The following SH3RF3 variants were observed in gnomAD, a reference collection of about 807,000 sequenced individuals.
SH3RF3 encodes the protein SH3 domain containing ring finger 3.
In SH3RF3, 29 loss-of-function variants were observed where a neutral mutation model predicts 66.3. The ratio of observed to expected loss-of-function variants is 0.44; its 90% CI spans 0.33 to 0.60. The LOEUF (loss-of-function observed/expected upper bound fraction) is 0.60. Among genes scored for constraint, SH3RF3 ranks in the 20% least tolerant of loss-of-function variants. SH3RF3 has a pLI of 0.04. For synonymous variants in SH3RF3, 583 were observed against 532.0 expected, an observed-to-expected ratio of 1.10 and a Z score of -1.32; for missense variants, 1,194 against 1,190.9, an observed-to-expected ratio of 1.00 and a Z score of -0.04.
chr2:109,382,893 C>T (rs1675733881), intron 3 of SH3RF3, among the ~76,000 whole-genome samples: 1 of 152,214 alleles, frequency 6.6e-6, no homozygotes, highest in African/African-American at 2.4e-5. Flanking sequence ...CTTCTCCTCC[C>T]ACCATCTCAT....
At chr2:109,492,296 T>C (rs1679149638) in intron 9 of SH3RF3, among the ~76,000 whole-genome samples, 1 of 152,204 alleles carries the variant, frequency 6.6e-6, no homozygotes. Context: ...AGGCGCAGTT[T>C]GCCAGCCCTG....
intron 1 of SH3RF3, among the ~76,000 whole-genome samples, chr2:109,305,658 A>AT (rs1574562528): frequency 6.6e-6 from 1 of 152,208 alleles, no homozygotes; most frequent in African/African-American, 2.4e-5. Flanking sequence ...TGCACTCAGC[A>AT]TTCGCTCAGT....
intron 8 of SH3RF3, among the ~76,000 whole-genome samples, chr2:109,486,863 C>T (rs547714218): frequency 6.6e-6 from 1 of 152,234 alleles, no homozygotes; most frequent in Non-Finnish European, 1.5e-5. Context: ...CTCGGCAGAT[C>T]TGTCTCCCGC....
rs1484576057 is a variant in SH3RF3, at chr2:109,394,753, AC to A, written c.946-3835del. On this transcript the variant is annotated intron_variant, in intron 3 of 9. Coordinates refer to ENST00000309415, the MANE Select transcript of SH3RF3 (RefSeq NM_001099289.3). ...TGGAGTCCTTTCCTTTCCAGATGGC[AC>A]CTTGGTGGGAAGGGCTGCACCCTCA... 6.6e-5 allele frequency among the ~76,000 whole-genome samples: 10 copies of A among 152,244 alleles called. No homozygotes were observed. The East Asian group carries it at 1.9e-3, about 29-fold the overall frequency.
intron 1 of SH3RF3, among the ~76,000 whole-genome samples, chr2:109,253,410 T>C (rs552684494): frequency 2.4e-4 from 37 of 152,310 alleles, no homozygotes; most frequent in African/African-American, 8.7e-4. Flanking sequence ...ATAGGCTGTG[T>C]CCATGTGGTT....
chr2:109,497,712 A>T (rs1414747765), intron 9 of SH3RF3, among the ~76,000 whole-genome samples: 1 of 152,210 alleles, frequency 6.6e-6, no homozygotes, highest in Non-Finnish European at 1.5e-5. Flanking sequence ...AGAAACGTTA[A>T]ACACTTGTCT....
At chr2:109,217,402 C>T (rs1679124334) in intron 1 of SH3RF3, among the ~76,000 whole-genome samples, 1 of 152,238 alleles carries the variant, frequency 6.6e-6, no homozygotes, top group Admixed American at 6.5e-5. Context: ...GAACATCACC[C>T]TGATCTTGAC....
chr2:109,503,483 G>A lies in SH3RF3; in HGVS notation c.*1812G>A, dbSNP rs766897369. The A allele has an allele frequency of 6.6e-6, 1 of 152,138 alleles. No individual in the cohort carries two copies. Among genetic ancestry groups the A allele is most frequent in the Non-Finnish European group, 1.5e-5 (1 of 68,030 alleles). 9.4% of individuals were successfully genotyped at this position (152,138 alleles called of 1,614,324 possible). On this transcript the variant is annotated 3_prime_UTR_variant, in exon 10 of 10. Coordinates refer to ENST00000309415, the MANE Select transcript of SH3RF3 (RefSeq NM_001099289.3). ...TAATAGATTTAATAGACTCAAAGAA[G>A]TTGTTCAGAATCAAAGAAGAAAAAG...
At chr2:109,359,352 C>G (rs1381301866) in intron 2 of SH3RF3, among the ~76,000 whole-genome samples, 1 of 152,206 alleles carries the variant, frequency 6.6e-6, no homozygotes, top group African/African-American at 2.4e-5. Flanking sequence ...ATCTATACAA[C>G]AAGTTGAAAA....
intron 1 of SH3RF3, among the ~76,000 whole-genome samples, chr2:109,300,336 T>C (rs907737445): frequency 3.3e-5 from 5 of 152,104 alleles, no homozygotes; most frequent in African/African-American, 1.2e-4. Flanking sequence ...CACGCCACCA[T>C]GTCTGGCTAA....
chr2:109,475,982 CTCT>C, intron 8 of SH3RF3, among the ~76,000 whole-genome samples: 1 of 152,362 alleles, frequency 6.6e-6, no homozygotes, highest in African/African-American at 2.4e-5. Flanking sequence ...TTGGAGCTGA[CTCT>C]TCTTGCTCAG....
intron 4 of SH3RF3, among the ~76,000 whole-genome samples, chr2:109,417,060 TG>T (rs1676745513): frequency 6.6e-6 from 1 of 152,196 alleles, no homozygotes; most frequent in African/African-American, 2.4e-5. Flanking sequence ...CTGTTGTCCC[TG>T]TGTTGGAATT....
chr2:109,480,630 G>A (rs1004249240), intron 8 of SH3RF3, among the ~76,000 whole-genome samples: 4 of 152,080 alleles, frequency 2.6e-5, no homozygotes, highest in Non-Finnish European at 4.4e-5. Context: ...CCCTGTGGGA[G>A]GAGGAGGAGG....
intron 1 of SH3RF3, among the ~76,000 whole-genome samples, chr2:109,285,364 GCCTTT>G (rs1681008625): frequency 6.6e-6 from 1 of 152,234 alleles, no homozygotes; most frequent in African/African-American, 2.4e-5. Context: ...TCATTAGCAT[GCCTTT>G]CCACGGCCAA....
chr2:109,324,003 T>C (rs1176388809), intron 1 of SH3RF3, among the ~76,000 whole-genome samples: 1 of 152,232 alleles, frequency 6.6e-6, no homozygotes, highest in Non-Finnish European at 1.5e-5. Context: ...AACACTAATG[T>C]AATTTCTGTC....
At chr2:109,471,674 C>T (rs1049664468) in intron 8 of SH3RF3, among the ~76,000 whole-genome samples, 1 of 152,202 alleles carries the variant, frequency 6.6e-6, no homozygotes, top group East Asian at 1.9e-4. Flanking sequence ...AGGACACATG[C>T]TGGGGCGGGG....
intron 4 of SH3RF3, among the ~76,000 whole-genome samples, chr2:109,399,214 C>A (rs562066049): frequency 6.6e-6 from 1 of 152,300 alleles, no homozygotes; most frequent in South Asian, 2.1e-4. Flanking sequence ...TAACACCCAC[C>A]CGCCTCATGA....
chr2:109,483,953 T>A (rs116547832), intron 8 of SH3RF3, among the ~76,000 whole-genome samples: 3,557 of 151,972 alleles, frequency 0.023, 154 homozygotes, highest in African/African-American at 0.081. Context: ...ACCCCCGCCA[T>A]CCCTGTGCCT....
rs1405059601 is a variant in SH3RF3 at position 109,398,725 on chromosome 2, G to A, written c.1081G>A (p.Gly361Arg). 1.9e-6 allele frequency: 3 copies of A among 1,613,210 alleles called. No individual in the cohort carries two copies. Among genetic ancestry groups the A allele is most frequent in the African/African-American group, 1.3e-5 (1 of 75,048 alleles). ...CCCAAGTCCCACTTTAAGCAGCTCA[G>A]GGGCGGTCAGTGCCTTTCAGCGGCG... ...VAPSPTLSSS[G>R]AVSAFQRRVD... is the part of the protein sequence containing the mutation. The change falls in exon 4 of 10, where the codon GGG becomes AGG. Residue 361 changes from glycine to arginine, a missense_variant. Coordinates refer to ENST00000309415, the MANE Select transcript of SH3RF3 (RefSeq NM_001099289.3).
Sources: allele counts gnomAD v4.1 joint callset (sites outside exome capture counted in the v4.1 genomes callset), GRCh38; gene constraint gnomAD v4.1.1; transcripts MANE v1.5; gene names NCBI Gene and HGNC (gene_info 2026-07-23, HGNC 2026-07-21).